CDH13: variants seen among roughly 807,000 people sequenced by gnomAD.
CDH13 encodes cadherin-13.
Under a neutral mutation model 63.8 loss-of-function variants are expected in CDH13, and 24 were observed. That is an observed-to-expected ratio of 0.38 (90% CI 0.27 to 0.53). The LOEUF is 0.53. Ranked by LOEUF, CDH13 falls within the 20% of genes least tolerant of loss-of-function variation. CDH13 has a pLI of 0.85. For synonymous variants in CDH13, 503 were observed against 355.3 expected (o/e 1.42, Z -4.67); for missense variants, 1,049 against 903.1 (o/e 1.16, Z -2.07).
intron 11 of CDH13, among the ~76,000 whole-genome samples, chr16:83,762,387 AAT>A (rs199995396): frequency 1.9e-4 from 29 of 150,364 alleles, no homozygotes; most frequent in Middle Eastern, 3.4e-3. Context: ...GAAAGGATAA[AAT>A]AAAAAAAACT....
At chr16:83,511,758 G>T (rs1008297163) in intron 7 of CDH13, among the ~76,000 whole-genome samples, 1 of 152,154 alleles carries the variant, frequency 6.6e-6, no homozygotes, top group Admixed American at 6.5e-5. Context: ...AATGGAAGGG[G>T]CAAAGGTAGG....
intron 7 of CDH13, among the ~76,000 whole-genome samples, chr16:83,549,674 A>G (rs1444322939): frequency 6.6e-6 from 1 of 152,174 alleles, no homozygotes; most frequent in Non-Finnish European, 1.5e-5. Context: ...CAAACAAAAA[A>G]AATCTGCTCA....
At chr16:82,659,495 A>T (rs8053933) in intron 1 of CDH13, among the ~76,000 whole-genome samples, 18,689 of 152,158 alleles carry the variant, frequency 0.12, 1,578 homozygotes, top group East Asian at 0.26. Context: ...TGGAAATTGG[A>T]ACAAAAAATA....
intron 1 of CDH13, among the ~76,000 whole-genome samples, chr16:82,845,137 G>C (rs1411001960): frequency 2.0e-5 from 3 of 152,116 alleles, no homozygotes; most frequent in Non-Finnish European, 2.9e-5. Flanking sequence ...GGAAAGGAGA[G>C]AGAACCAATA....
intron 1 of CDH13, among the ~76,000 whole-genome samples, chr16:82,749,848 A>G (rs2034337552): frequency 1.3e-5 from 2 of 151,908 alleles, no homozygotes; most frequent in South Asian, 2.1e-4. Context: ...CCTAACATAC[A>G]TTTATGCCTA....
intron 6 of CDH13, among the ~76,000 whole-genome samples, chr16:83,420,991 C>T (rs13332456): frequency 0.028 from 4,304 of 152,268 alleles, 156 homozygotes; most frequent in African/African-American, 0.085. Context: ...CTAGCCATGC[C>T]GACAGCCAGC....
At chr16:83,720,246 C>G (rs1848078130) in intron 10 of CDH13, among the ~76,000 whole-genome samples, 2 of 152,020 alleles carry the variant, frequency 1.3e-5, no homozygotes, top group Admixed American at 1.3e-4. Flanking sequence ...ACATACATGT[C>G]CACACATTCA....
chr16:83,208,116 G>T (rs1465873414), intron 4 of CDH13, among the ~76,000 whole-genome samples: 1 of 152,122 alleles, frequency 6.6e-6, no homozygotes, highest in Non-Finnish European at 1.5e-5. Flanking sequence ...TAGGTGGCGT[G>T]AGCACTGCTG....
chr16:83,627,537 G>C (rs913577640), intron 8 of CDH13, among the ~76,000 whole-genome samples: 3 of 152,094 alleles, frequency 2.0e-5, no homozygotes, highest in African/African-American at 7.2e-5. Context: ...AATTTGGATA[G>C]TTTATTTTGT....
At chr16:83,061,266 TAACTC>T (rs1195733144) in intron 3 of CDH13, among the ~76,000 whole-genome samples, 2 of 152,286 alleles carry the variant, frequency 1.3e-5, no homozygotes, top group South Asian at 2.1e-4. Context: ...CTCCTGGAGA[TAACTC>T]AAGAGGTGAC....
chr16:83,384,949 G>T (rs1219368021), intron 6 of CDH13, among the ~76,000 whole-genome samples: 1 of 152,104 alleles, frequency 6.6e-6, no homozygotes, highest in African/African-American at 2.4e-5. Context: ...GTATTTTAAG[G>T]CACCAATGTA....
At chr16:83,785,320 C>T (rs551801717) in intron 13 of CDH13, among the ~76,000 whole-genome samples, 3 of 152,278 alleles carry the variant, frequency 2.0e-5, no homozygotes, top group Non-Finnish European at 2.9e-5. Context: ...ACATATGGCG[C>T]CTTCTCCCTG....
At chr16:83,080,973 C>G (rs1438690344) in intron 3 of CDH13, among the ~76,000 whole-genome samples, 2 of 144,634 alleles carry the variant, frequency 1.4e-5, no homozygotes, top group Non-Finnish European at 3.0e-5. Flanking sequence ...CCTCTGCCTC[C>G]CAGGTTCAAA....
chr16:82,638,153 C>T (rs1342973166), intron 1 of CDH13, among the ~76,000 whole-genome samples: 1 of 152,162 alleles, frequency 6.6e-6, no homozygotes. Flanking sequence ...TTAAATGTTA[C>T]CTACCAACTA....
At chr16:83,580,444 TCATTTCTC>T (rs1905458868) in intron 7 of CDH13, among the ~76,000 whole-genome samples, 1 of 136,906 alleles carries the variant, frequency 7.3e-6, no homozygotes, top group Admixed American at 7.6e-5. Flanking sequence ...TCATTTCTGT[TCATTTCTC>T]TCTCTCTCTC....
intron 3 of CDH13, among the ~76,000 whole-genome samples, chr16:83,124,466 C>T (rs1261454742): frequency 6.6e-6 from 1 of 151,122 alleles, no homozygotes; most frequent in Non-Finnish European, 1.5e-5. Flanking sequence ...TCTGCTTAGT[C>T]TGTTGATTGC....
chr16:82,731,119 T>G (rs2318191), intron 1 of CDH13, among the ~76,000 whole-genome samples: 1 of 152,294 alleles, frequency 6.6e-6, no homozygotes, highest in African/African-American at 2.4e-5. Flanking sequence ...AGTATTTATA[T>G]GACAGGAACT....
intron 7 of CDH13, among the ~76,000 whole-genome samples, chr16:83,538,764 G>C (rs1481092939): frequency 2.0e-5 from 3 of 152,126 alleles, no homozygotes; most frequent in Admixed American, 6.6e-5. Context: ...TGCATAATCT[G>C]TTTTTAAAGA....
At chr16:82,980,834 A>C (rs922220286) in intron 2 of CDH13, among the ~76,000 whole-genome samples, 3 of 152,172 alleles carry the variant, frequency 2.0e-5, no homozygotes, top group Admixed American at 6.5e-5. Context: ...ATGACTGAGC[A>C]TTCATGAGAG....
Sources: gnomAD v4.1 joint callset for allele counts (sites outside exome capture counted in the v4.1 genomes callset) on GRCh38, gnomAD v4.1.1 for gene constraint, MANE v1.5 for transcripts, NCBI Gene and HGNC (gene_info 2026-07-23, HGNC 2026-07-21) for gene names.